The following MPP7 variants were observed in gnomAD, a reference collection of about 807,000 sequenced individuals.
MPP7 encodes MAGUK p55 subfamily member 7.
Under a neutral mutation model 76.5 loss-of-function variants are expected in MPP7, and 60 were observed. The ratio of observed to expected loss-of-function variants is 0.78; its 90% CI spans 0.64 to 0.97. The LOEUF (loss-of-function observed/expected upper bound fraction) is 0.97. MPP7 is among the 50% of genes least tolerant of loss of function. The probability of loss-of-function intolerance (pLI) is 0.00; values close to 1 mark genes in which losing one functional copy is unlikely to be tolerated. For missense variants in MPP7, 641 were observed against 694.0 expected, an observed-to-expected ratio of 0.92 and a Z score of 0.86; for synonymous variants, 237 against 244.5, an observed-to-expected ratio of 0.97 and a Z score of 0.29.
intron 11 of MPP7, among the ~76,000 whole-genome samples, chr10:28,112,531 T>C (rs994069837): frequency 2.6e-5 from 4 of 152,214 alleles, no homozygotes; most frequent in African/African-American, 9.6e-5. Flanking sequence ...CAAAAGAATG[T>C]TTCTCCATAA....
chr10:28,154,580 C>T (rs780275805), intron 3 of MPP7, among the ~76,000 whole-genome samples: 1 of 152,158 alleles, frequency 6.6e-6, no homozygotes, highest in Non-Finnish European at 1.5e-5. Flanking sequence ...TAAAAAGCAA[C>T]AAACCATCAA....
At chr10:28,230,738 C>T (rs1160354438) in intron 2 of MPP7, among the ~76,000 whole-genome samples, 1 of 152,146 alleles carries the variant, frequency 6.6e-6, no homozygotes, top group African/African-American at 2.4e-5. Context: ...ATTGCTTGAA[C>T]CCGGGAGGCG....
intron 16 of MPP7, among the ~76,000 whole-genome samples, chr10:28,056,201 A>G (rs544268139): frequency 3.9e-4 from 60 of 152,188 alleles, no homozygotes; most frequent in African/African-American, 1.4e-3. Context: ...TCTGCCTACC[A>G]GGCTGGAGTG....
At chr10:28,092,869 T>C (rs973986618) in intron 11 of MPP7, among the ~76,000 whole-genome samples, 1 of 150,744 alleles carries the variant, frequency 6.6e-6, no homozygotes, top group Non-Finnish European at 1.5e-5. Flanking sequence ...CATGAGACAC[T>C]GAACCCAGCC....
chr10:28,291,456 T>C (rs1223464865), intron 1 of MPP7, among the ~76,000 whole-genome samples: 3 of 152,028 alleles, frequency 2.0e-5, no homozygotes, highest in Non-Finnish European at 4.4e-5. Context: ...AATAGAAAAA[T>C]TAGCCAGGTG....
At chr10:28,311,960 CA>C (rs1357889851) in intron 2 of MPP7, among the ~76,000 whole-genome samples, 1 of 151,914 alleles carries the variant, frequency 6.6e-6, no homozygotes, top group Non-Finnish European at 1.5e-5. Flanking sequence ...AAAAAAAGAT[CA>C]ATTTTTTTTC....
At chr10:28,321,354 C>T (rs1834367796) in intron 2 of MPP7, among the ~76,000 whole-genome samples, 1 of 152,186 alleles carries the variant, frequency 6.6e-6, no homozygotes, top group African/African-American at 2.4e-5. Context: ...ACCCAATACA[C>T]ATCTTCCTGG....
intron 2 of MPP7, among the ~76,000 whole-genome samples, chr10:28,321,719 G>A (rs1000713821): frequency 2.0e-5 from 3 of 151,972 alleles, no homozygotes; most frequent in South Asian, 2.1e-4. Context: ...TGAGTAGCTG[G>A]GACTACAAGC....
intron 5 of MPP7, among the ~76,000 whole-genome samples, chr10:28,132,204 G>C (rs1280244256): frequency 6.6e-6 from 1 of 152,046 alleles, no homozygotes; most frequent in Non-Finnish European, 1.5e-5. Context: ...TTAATTGTGT[G>C]TGTAATTGGT....
At chr10:28,327,817 G>A (rs1834432666) in intron 2 of MPP7, among the ~76,000 whole-genome samples, 1 of 152,086 alleles carries the variant, frequency 6.6e-6, no homozygotes. Context: ...CACTGATTGT[G>A]TCATTCAGAA....
At chr10:28,315,363 G>A (rs1223401721) in intron 2 of MPP7, among the ~76,000 whole-genome samples, 2 of 149,656 alleles carry the variant, frequency 1.3e-5, no homozygotes, top group Non-Finnish European at 3.0e-5. Context: ...GGAGGAAGGA[G>A]GGAAGGAAGG....
intron 11 of MPP7, among the ~76,000 whole-genome samples, chr10:28,091,970 A>AG (rs1853327928): frequency 6.6e-6 from 1 of 152,230 alleles, no homozygotes; most frequent in Non-Finnish European, 1.5e-5. Flanking sequence ...TTGGTATCCA[A>AG]GGGGGTCTTG....
At chr10:28,075,508 G>A (rs773509867) in intron 12 of MPP7, among the ~76,000 whole-genome samples, 11 of 152,154 alleles carry the variant, frequency 7.2e-5, no homozygotes, top group East Asian at 1.9e-4. Context: ...ATTGCACGAC[G>A]CAAGTTACTA....
intron 2 of MPP7, among the ~76,000 whole-genome samples, chr10:28,206,785 A>G (rs1837962606): frequency 6.6e-6 from 1 of 152,142 alleles, no homozygotes; most frequent in African/African-American, 2.4e-5. Context: ...TTTGTCCTGT[A>G]ACTGTATAGT....
At position 28,302,175 on chromosome 10, in the gene MPP7, T is replaced by C. The variant is rs534946297; in HGVS notation, c.-132+686A>G. ...CCCACCCCCACAATCCTTTCAAACC[T>C]GCACAGGCATTCCTCACGAACACTC... On this transcript the variant is annotated intron_variant, in intron 1 of 16. Coordinates refer to ENST00000683449, the MANE Select transcript of MPP7 (RefSeq NM_001318170.2). Among the ~76,000 whole-genome samples the C allele has an allele frequency of 3.0e-4, 46 of 152,154 alleles. No homozygotes were observed. The East Asian group carries it at 8.5e-3, about 28-fold the overall frequency.
At chr10:28,260,114 C>G (rs1286628089) in intron 1 of MPP7, among the ~76,000 whole-genome samples, 2 of 152,168 alleles carry the variant, frequency 1.3e-5, no homozygotes, top group Non-Finnish European at 2.9e-5. Flanking sequence ...ACACAGAAAA[C>G]ACTATATTAG....
upstream of MPP7, chr10:28,303,193 T>G (rs946042517): frequency 6.6e-6 from 1 of 151,132 alleles, no homozygotes; most frequent in Non-Finnish European, 1.5e-5. Context: ...AAGACGCCTC[T>G]CCAGCAGAAC....
chr10:28,143,804 G>A (rs1281840075), intron 5 of MPP7, among the ~76,000 whole-genome samples: 4 of 139,948 alleles, frequency 2.9e-5, no homozygotes, highest in South Asian at 2.3e-4. Flanking sequence ...CCCATCCCCC[G>A]TGCTTCCTTC....
chr10:28,095,320 T>C (rs1218722626), intron 11 of MPP7, among the ~76,000 whole-genome samples: 1 of 151,072 alleles, frequency 6.6e-6, no homozygotes, highest in East Asian at 2.0e-4. Flanking sequence ...ACCAATAAAA[T>C]AGCCAGAACA....
Sources: allele counts gnomAD v4.1 joint callset (sites outside exome capture counted in the v4.1 genomes callset), GRCh38; gene constraint gnomAD v4.1.1; transcripts MANE v1.5; gene names NCBI Gene and HGNC (gene_info 2026-07-23, HGNC 2026-07-21).